The following PIAS1 variants were observed in gnomAD, a reference collection of about 807,000 sequenced individuals.
The protein encoded by PIAS1 is protein inhibitor of activated STAT 1, also known as E3 SUMO-protein ligase PIAS1.
PIAS1 carries 6 observed loss-of-function variants against 71.3 expected under a neutral mutation model. That is an observed-to-expected ratio of 0.08 (90% confidence interval 0.05 to 0.17). PIAS1 has a LOEUF of 0.17. PIAS1 is among the 10% of genes least tolerant of loss of function. The pLI is 1.00. For synonymous variants in PIAS1, 303 were observed against 292.9 expected, an observed-to-expected ratio of 1.03 and a Z score of -0.35; for missense variants, 555 against 793.6, an observed-to-expected ratio of 0.70 and a Z score of 3.61.
In PIAS1 at chr15:68,189,253, A is replaced by C. The variant is rs553024672; in HGVS notation, c.*1418A>C. On this transcript the variant is annotated 3_prime_UTR_variant, in exon 14 of 14. Transcript: ENST00000249636. ...GAAAAGTGGTTCTACTAATGTTCCAAAATCCTCATCAGAGAAGGTATGATG... is the reference window on the plus strand; with the variant it reads ...GAAAAGTGGTTCTACTAATGTTCCACAATCCTCATCAGAGAAGGTATGATG... 24 of 152,338 alleles carry C rather than the reference A, an allele frequency of 1.6e-4. No individual in the cohort carries two copies. The highest frequency in any genetic ancestry group is 5.3e-4 in the African/African-American group (22 of 41,588). The allele number at this position is 152,338 out of a possible 1,614,324, so 9.4% of individuals were successfully genotyped here.
intron 8 of PIAS1, among the ~76,000 whole-genome samples, chr15:68,165,707 A>G (rs922539169): frequency 2.6e-5 from 4 of 152,190 alleles, no homozygotes; most frequent in Non-Finnish European, 1.5e-5. Context: ...AAAATGTTAT[A>G]CTAATCTGAT....
intron 1 of PIAS1, among the ~76,000 whole-genome samples, chr15:68,069,930 G>C (rs1446700212): frequency 6.6e-6 from 1 of 151,994 alleles, no homozygotes; most frequent in Admixed American, 6.6e-5. Flanking sequence ...TAATTAGGAA[G>C]AACTTTATTT....
At chr15:68,150,345 A>G (rs188851143) in intron 6 of PIAS1, among the ~76,000 whole-genome samples, 81 of 152,306 alleles carry the variant, frequency 5.3e-4, no homozygotes, top group African/African-American at 1.8e-3. Context: ...TTCCATAGGA[A>G]GGCTTCCAGC....
At chr15:68,149,379 T>C (rs1294659219) in intron 6 of PIAS1, among the ~76,000 whole-genome samples, 1 of 151,790 alleles carries the variant, frequency 6.6e-6, no homozygotes, top group Non-Finnish European at 1.5e-5. Context: ...GTAGAATTAC[T>C]TTATCATATT....
intron 2 of PIAS1, among the ~76,000 whole-genome samples, chr15:68,114,187 C>T (rs1018760132): frequency 6.6e-6 from 1 of 151,922 alleles, no homozygotes; most frequent in Admixed American, 6.6e-5. Flanking sequence ...ATTTTTGCTG[C>T]CTTTTTCAAT....
At chr15:68,138,668 T>G (rs540144393) in intron 2 of PIAS1, among the ~76,000 whole-genome samples, 3 of 152,096 alleles carry the variant, frequency 2.0e-5, no homozygotes, top group South Asian at 4.1e-4. Context: ...AGAGACAGGG[T>G]TTCACCATGT....
At position 68,153,690 on chromosome 15, in the gene PIAS1, C is replaced by T; in HGVS notation, c.929C>T (p.Ala310Val). 6.8e-7 allele frequency: 1 copy of T among 1,466,256 alleles called. No homozygotes were observed. The allele number at this position is 1,466,256 out of a possible 1,614,324, so 90.8% of individuals were successfully genotyped here. A position where few individuals can be genotyped will look rare whatever the true frequency, so the allele number is the denominator to read the frequency against. Residue 310 changes from alanine to valine, a missense_variant, in exon 7 of 14, where the codon GCT becomes GTT. By Grantham distance (64) the Ala-to-Val change is moderately conservative (BLOSUM62 0). Coordinates refer to ENST00000249636, the MANE Select transcript of PIAS1 (RefSeq NM_016166.3). The part of the protein sequence containing the change: ...KGIRNPDHSR[A>V]LIKEKLTADP... ...ATAAGGAATCCGGATCATTCTAGAG[C>T]TTTAAGTACGTATGATAAACTTATT...
intron 2 of PIAS1, among the ~76,000 whole-genome samples, chr15:68,120,185 C>T (rs1040279317): frequency 2.0e-5 from 3 of 151,776 alleles, no homozygotes; most frequent in African/African-American, 7.3e-5. Context: ...CTTTTACTTT[C>T]AACCAATTTG....
chr15:68,065,505 T>G (rs1425679376), intron 1 of PIAS1, among the ~76,000 whole-genome samples: 4 of 151,596 alleles, frequency 2.6e-5, no homozygotes, highest in Non-Finnish European at 4.4e-5. Context: ...GTGGTAGGAT[T>G]TTTTGATCCT....
intron 2 of PIAS1, among the ~76,000 whole-genome samples, chr15:68,087,184 C>T (rs907499488): frequency 1.3e-5 from 2 of 152,040 alleles, no homozygotes; most frequent in African/African-American, 4.8e-5. Context: ...TAAAAGGAGA[C>T]TTGAGCTTTG....
At chr15:68,151,182 T>C (rs949095983) in intron 6 of PIAS1, among the ~76,000 whole-genome samples, 1 of 150,690 alleles carries the variant, frequency 6.6e-6, no homozygotes, top group East Asian at 2.1e-4. Flanking sequence ...TTTGGTGGGG[T>C]TTTTTTTGCT....
intron 1 of PIAS1, chr15:68,055,143 C>T: frequency 1.0e-6 from 1 of 957,376 alleles, no homozygotes; most frequent in East Asian, 1.2e-4. Context: ...TACCTCTCTC[C>T]CTTCTTTTGC....
At chr15:68,055,390 T>C (rs1315302022) in intron 1 of PIAS1, among the ~76,000 whole-genome samples, 1 of 152,062 alleles carries the variant, frequency 6.6e-6, no homozygotes, top group Non-Finnish European at 1.5e-5. Flanking sequence ...CTCACGAAAT[T>C]AGATGAAAGG....
At chr15:68,137,406 ATTGTATCTATAGT>A (rs1405524983) in intron 2 of PIAS1, among the ~76,000 whole-genome samples, 1 of 152,178 alleles carries the variant, frequency 6.6e-6, no homozygotes. Context: ...AAGCTTTCAT[ATTGTATCTATAGT>A]TTGATATGAG....
At chr15:68,066,934 GGTCTGGTC>G (rs2140960309) in intron 1 of PIAS1, among the ~76,000 whole-genome samples, 1 of 152,276 alleles carries the variant, frequency 6.6e-6, no homozygotes, top group African/African-American at 2.4e-5. Flanking sequence ...AGTGTGAGTA[GGTCTGGTC>G]TGTCCATTTT....
intron 6 of PIAS1, among the ~76,000 whole-genome samples, chr15:68,151,970 G>T (rs1461565737): frequency 9.5e-5 from 7 of 74,028 alleles, no homozygotes; most frequent in African/African-American, 1.3e-4. Flanking sequence ...TGGGGGGGGA[G>T]ACAGAGTCTT....
At chr15:68,127,582 T>A (rs986078780) in intron 2 of PIAS1, among the ~76,000 whole-genome samples, 1 of 152,152 alleles carries the variant, frequency 6.6e-6, no homozygotes, top group Admixed American at 6.5e-5. Flanking sequence ...GTTGCCCTCC[T>A]ATTTCTTTCT....
At chr15:68,088,016 C>G (rs541456902) in intron 2 of PIAS1, 70 of 232,582 alleles carry the variant, frequency 3.0e-4, no homozygotes, top group Middle Eastern at 1.9e-3. Flanking sequence ...GCCAAAGTTC[C>G]TTCCTTGTTA....
intron 2 of PIAS1, among the ~76,000 whole-genome samples, chr15:68,119,319 C>T (rs2092594735): frequency 6.7e-6 from 1 of 148,508 alleles, no homozygotes; most frequent in African/African-American, 2.5e-5. Flanking sequence ...GTGGCGCACA[C>T]CTGTAATCCC....
Sources: allele counts gnomAD v4.1 joint callset (sites outside exome capture counted in the v4.1 genomes callset), GRCh38; gene constraint gnomAD v4.1.1; transcripts MANE v1.5; gene names NCBI Gene and HGNC (gene_info 2026-07-23, HGNC 2026-07-21).